MEGF9: variants seen among roughly 807,000 people sequenced by gnomAD.
MEGF9 encodes the protein multiple epidermal growth factor-like domains protein 9.
Under a neutral mutation model 46.8 loss-of-function variants are expected in MEGF9, and 6 were observed. The ratio of observed to expected loss-of-function variants is 0.13; its 90% CI spans 0.07 to 0.25. The LOEUF is 0.25. MEGF9 is among the 10% of genes least tolerant of loss of function. MEGF9 has a pLI of 1.00. For synonymous variants in MEGF9, 302 were observed against 330.7 expected (o/e 0.91, Z 0.94); for missense variants, 683 against 792.4 (o/e 0.86, Z 1.66).
chr9:120,697,367 G>GC lies in MEGF9; in HGVS notation c.601+16390dup, dbSNP rs200164863. ...CAAAGTGCTGGGATTACAGGCGTGA[G>GC]CTACCGCGCCCAGTCTATTCTATGA... On this transcript the variant is annotated intron_variant, in intron 1 of 5. Transcript: ENST00000373930. Among the ~76,000 whole-genome samples, 44 of 152,044 alleles carry GC rather than the reference G, an allele frequency of 2.9e-4. No homozygotes were observed. The East Asian group carries it at 8.5e-3, about 29-fold the overall frequency.
At chr9:120,628,217 C>A (rs1473286478) in intron 2 of MEGF9, among the ~76,000 whole-genome samples, 1 of 152,074 alleles carries the variant, frequency 6.6e-6, no homozygotes, top group Non-Finnish European at 1.5e-5. Context: ...ATAATAGTTT[C>A]TCCTCTTGTT....
chr9:120,683,894 CA>C (rs555865636), intron 1 of MEGF9, among the ~76,000 whole-genome samples: 13 of 143,376 alleles, frequency 9.1e-5, no homozygotes, highest in East Asian at 2.0e-4. Context: ...GACCCTGCTT[CA>C]AAAAAAAACC....
chr9:120,713,427 G>A (rs926148111), intron 1 of MEGF9, among the ~76,000 whole-genome samples: 9 of 152,132 alleles, frequency 5.9e-5, no homozygotes, highest in Non-Finnish European at 1.3e-4. Context: ...AATAACCCAG[G>A]CAGAGAGGCT....
At chr9:120,648,736 T>C (rs1330825172) in intron 2 of MEGF9, among the ~76,000 whole-genome samples, 4 of 152,252 alleles carry the variant, frequency 2.6e-5, no homozygotes, top group African/African-American at 9.6e-5. Context: ...TCCAGAAGTA[T>C]AGGCAAAGTA....
intron 1 of MEGF9, among the ~76,000 whole-genome samples, chr9:120,666,915 A>G (rs1457171790): frequency 6.6e-6 from 1 of 152,192 alleles, no homozygotes; most frequent in Admixed American, 6.5e-5. Context: ...GGGGTTTGCC[A>G]GGAGCTGGGG....
At chr9:120,624,452 T>G (rs1393199396) in intron 2 of MEGF9, among the ~76,000 whole-genome samples, 2 of 152,030 alleles carry the variant, frequency 1.3e-5, no homozygotes, top group Admixed American at 6.6e-5. Context: ...GGTCTCAAAC[T>G]CCTGAGCTCA....
intron 1 of MEGF9, chr9:120,691,408 A>G: frequency 2.1e-6 from 1 of 484,312 alleles, no homozygotes; most frequent in Non-Finnish European, 4.2e-6. Context: ...AAGTATCTTT[A>G]CGTTACTCTC....
intron 2 of MEGF9, among the ~76,000 whole-genome samples, chr9:120,652,087 A>T (rs2043652439): frequency 6.9e-6 from 1 of 145,706 alleles, no homozygotes; most frequent in South Asian, 2.2e-4. Flanking sequence ...GGTTGATTTA[A>T]TCCTCCTTTT....
chr9:120,601,100 T>G lies in MEGF9; in HGVS notation c.*4090A>C, dbSNP rs902858939. The G allele has an allele frequency of 2.0e-5, 3 of 152,692 alleles. No individual in the cohort carries two copies. The highest frequency in any genetic ancestry group is 4.4e-5 in the Non-Finnish European group (3 of 68,042). The allele number at this position is 152,692 out of a possible 1,614,324, so 9.5% of individuals were successfully genotyped here. A position where few individuals can be genotyped will look rare whatever the true frequency, so the allele number is the denominator to read the frequency against. On this transcript the variant is annotated 3_prime_UTR_variant, in exon 6 of 6. Transcript: ENST00000373930. Reference sequence around the variant, plus strand: ...AATTTTAGTGACATAAATACAAGTTTAATGTTTCAGAAACATTCCCTAATT... The same window carrying G: ...AATTTTAGTGACATAAATACAAGTTGAATGTTTCAGAAACATTCCCTAATT...
chr9:120,713,838 G>T lies in MEGF9; in HGVS notation c.521C>A (p.Thr174Asn), dbSNP rs745468664. The T allele has an allele frequency of 7.7e-7, 1 of 1,301,424 alleles. No homozygotes were observed. The highest frequency in any genetic ancestry group is 9.8e-7 in the Non-Finnish European group (1 of 1,023,010). 80.6% of individuals were successfully genotyped at this position (1,301,424 alleles called of 1,614,324 possible). ...GTTGCTGCTGCTGGGGAGATCGGGG[G>T]TCGGGGTCCGGGGAGTCGTGGGCGC... ...VPAPTTPRTP[T>N]PDLPSSSNSS... Residue 174 changes from threonine (T) to asparagine (N), a missense_variant, in exon 1 of 6, where the codon ACC becomes AAC. Physicochemically the swap from Thr to Asn is moderately conservative, Grantham distance 65. This residue lies in a region of MEGF9 where 370 missense variants were observed against 371.3 expected (regional missense o/e 1.00). Transcript: ENST00000373930.
At chr9:120,670,482 G>A (rs567954606) in intron 1 of MEGF9, among the ~76,000 whole-genome samples, 12 of 152,284 alleles carry the variant, frequency 7.9e-5, no homozygotes, top group African/African-American at 2.6e-4. Flanking sequence ...TAAAGACCTA[G>A]TGTGTTAAAG....
chr9:120,625,786 AT>A lies in MEGF9; in HGVS notation c.804-3032del, dbSNP rs1197233432. The stretch of plus-strand genomic sequence containing the variant: ...GAGGTGGAGGTTGTGGTGAGCCAAG[AT>A]TGCGCCACTGCACTCCAGCCTGGGT... On this transcript the variant is annotated intron_variant, in intron 2 of 5. Transcript: ENST00000373930. Among the ~76,000 whole-genome samples the A allele has an allele frequency of 7.1e-5, 10 of 141,278 alleles. 1 individual carries two copies. In the East Asian group the frequency reaches 2.1e-3, roughly 29 times the overall value. 92.7% of individuals were successfully genotyped at this position (141,278 alleles called of 152,430 possible).
At chr9:120,686,947 TTG>T (rs59677137) in intron 1 of MEGF9, among the ~76,000 whole-genome samples, 14 of 150,634 alleles carry the variant, frequency 9.3e-5, no homozygotes, top group African/African-American at 2.7e-4. Flanking sequence ...ATAAAATAGT[TTG>T]TGTGTGTGTG....
In MEGF9 at chr9:120,607,763, G is replaced by A. The variant is rs758788598; in HGVS notation, c.1335C>T (p.Leu445=). Residue 445 remains leucine (L), a synonymous_variant, in exon 5 of 6, where the codon CTC becomes CTT. Coordinates refer to ENST00000373930, the MANE Select transcript of MEGF9 (RefSeq NM_001080497.3). ...ENCLEGYVHD[L]EGNCIKKEVI... ...TACCTTTCTTGATGCAATTTCCCTC[G>A]AGGTCGTGAACATAACCTTCTAGGC... 3.7e-6 allele frequency: 6 copies of A among 1,608,942 alleles called. No homozygotes were observed. Among genetic ancestry groups the A allele is most frequent in the Admixed American group, 3.3e-5 (2 of 59,930 alleles).
At chr9:120,656,287 C>T (rs565153835) in intron 2 of MEGF9, among the ~76,000 whole-genome samples, 8 of 152,238 alleles carry the variant, frequency 5.3e-5, no homozygotes, top group African/African-American at 1.9e-4. Flanking sequence ...GTGGCTCACA[C>T]CTGTAATCCC....
chr9:120,626,059 T>C (rs2043524229), intron 2 of MEGF9, among the ~76,000 whole-genome samples: 1 of 151,892 alleles, frequency 6.6e-6, no homozygotes, highest in Admixed American at 6.6e-5. Context: ...TGCTTATCCA[T>C]AGATTTGAAA....
At chr9:120,659,282 T>G in intron 2 of MEGF9, 92 bp downstream of exon 2, 1 of 975,478 alleles carries the variant, frequency 1.0e-6, no homozygotes, top group Non-Finnish European at 1.5e-6. Context: ...TCATCCCCCT[T>G]TGTTTAAACC....
chr9:120,691,400 G>A (rs1440547090), intron 1 of MEGF9: 1 of 469,044 alleles, frequency 2.1e-6, no homozygotes, highest in South Asian at 1.6e-5. Flanking sequence ...AAGTTTTTAA[G>A]TATCTTTACG....
At chr9:120,712,321 ATAT>A (rs2043957774) in intron 1 of MEGF9, among the ~76,000 whole-genome samples, 1 of 152,174 alleles carries the variant, frequency 6.6e-6, no homozygotes, top group African/African-American at 2.4e-5. Flanking sequence ...TACTACTATA[ATAT>A]TATCTTCATT....
Sources: allele counts gnomAD v4.1 joint callset (sites outside exome capture counted in the v4.1 genomes callset), GRCh38; gene constraint gnomAD v4.1.1; regional missense constraint gnomAD v4.1.1; transcripts MANE v1.5; gene names NCBI Gene and HGNC (gene_info 2026-07-23, HGNC 2026-07-21).